SPECC1: variants seen among roughly 807,000 people sequenced by gnomAD.
The protein encoded by SPECC1 is cytospin-B.
A neutral mutation model predicts 104.1 loss-of-function variants in SPECC1; 62 were observed. The ratio of observed to expected loss-of-function variants is 0.60; its 90% CI spans 0.49 to 0.74. The LOEUF (loss-of-function observed/expected upper bound fraction) is 0.74. Ranked by LOEUF, SPECC1 falls within the 30% of genes least tolerant of loss-of-function variation. SPECC1 has a pLI of 0.00. For missense variants in SPECC1, 1,306 were observed against 1,310.5 expected, an observed-to-expected ratio of 1.00 and a Z score of 0.05; for synonymous variants, 513 against 501.6, an observed-to-expected ratio of 1.02 and a Z score of -0.30.
At chr17:20,116,653 T>C (rs1025891610) in intron 3 of SPECC1, among the ~76,000 whole-genome samples, 6 of 152,260 alleles carry the variant, frequency 3.9e-5, no homozygotes, top group Admixed American at 3.9e-4. Flanking sequence ...TGAATTATTC[T>C]AAGAATTCCT....
chr17:20,036,176 C>T (rs1304647917), intron 1 of SPECC1, among the ~76,000 whole-genome samples: 1 of 152,028 alleles, frequency 6.6e-6, no homozygotes, highest in Non-Finnish European at 1.5e-5. Flanking sequence ...ACTCTGTCAC[C>T]AGGCTGGAAT....
intron 1 of SPECC1, among the ~76,000 whole-genome samples, chr17:20,040,180 C>T (rs2045266558): frequency 6.6e-6 from 1 of 151,984 alleles, no homozygotes; most frequent in Admixed American, 6.6e-5. Flanking sequence ...CACATATACA[C>T]ACATATATTT....
Position 20,246,295 on chromosome 17 carries a change from C to T in SPECC1, c.2497+224C>T, listed in dbSNP as rs550124105. Among the ~76,000 whole-genome samples the T allele has an allele frequency of 7.2e-5, 11 of 152,326 alleles. No individual in the cohort carries two copies. In the East Asian group the frequency reaches 2.1e-3, roughly 29 times the overall value. ...ATGAATAACACAAATGCAGCCTCTT[C>T]CTCTCTACCGCTTCCTTCCATCCAG... On this transcript the variant is annotated intron_variant, in intron 8 of 14. Transcript: ENST00000395527.
chr17:20,202,799 A>T (rs1381309752), intron 3 of SPECC1, among the ~76,000 whole-genome samples: 9 of 152,146 alleles, frequency 5.9e-5, no homozygotes, highest in African/African-American at 2.2e-4. Flanking sequence ...GGCACCCCTA[A>T]CCTCCAAGTT....
intron 1 of SPECC1, among the ~76,000 whole-genome samples, chr17:20,078,458 G>A (rs140996399): frequency 1.3e-5 from 2 of 152,098 alleles, no homozygotes; most frequent in East Asian, 3.9e-4. Context: ...TCATAGAAAT[G>A]CAAATTCAAA....
At chr17:20,262,937 G>A (rs539364699) in intron 12 of SPECC1, among the ~76,000 whole-genome samples, 11 of 152,184 alleles carry the variant, frequency 7.2e-5, no homozygotes, top group African/African-American at 2.2e-4. Context: ...TTGCGCCCAG[G>A]AGTTTGAGGC....
intron 12 of SPECC1, among the ~76,000 whole-genome samples, chr17:20,263,868 T>C (rs575706729): frequency 2.0e-5 from 3 of 152,268 alleles, no homozygotes; most frequent in African/African-American, 7.2e-5. Context: ...AAGAACACTA[T>C]TTCCTGCTGG....
chr17:20,273,130 T>G (rs2151639802), intron 12 of SPECC1, among the ~76,000 whole-genome samples: 1 of 152,296 alleles, frequency 6.6e-6, no homozygotes, highest in Middle Eastern at 3.4e-3. Flanking sequence ...GAGAAAGGCC[T>G]TCTAGTCTCC....
intron 1 of SPECC1, among the ~76,000 whole-genome samples, chr17:20,015,769 A>G (rs1446010095): frequency 1.3e-5 from 2 of 149,896 alleles, no homozygotes; most frequent in Non-Finnish European, 3.0e-5. Context: ...TATTTTTAGT[A>G]GCGACGGGGT....
At chr17:20,123,571 G>A (rs1038512473) in intron 3 of SPECC1, among the ~76,000 whole-genome samples, 3 of 152,190 alleles carry the variant, frequency 2.0e-5, no homozygotes, top group African/African-American at 4.8e-5. Context: ...AGGGGAACTC[G>A]TCTAACATGG....
At chr17:20,130,193 G>A (rs1237390992) in intron 3 of SPECC1, among the ~76,000 whole-genome samples, 1 of 152,158 alleles carries the variant, frequency 6.6e-6, no homozygotes, top group Non-Finnish European at 1.5e-5. Context: ...TACTTTTGTT[G>A]TGGATGTCCA....
At chr17:20,171,714 A>T (rs2034107297) in intron 3 of SPECC1, among the ~76,000 whole-genome samples, 1 of 151,952 alleles carries the variant, frequency 6.6e-6, no homozygotes, top group African/African-American at 2.4e-5. Context: ...CACTTGGCTA[A>T]TTTTTTTAAA....
At chr17:20,022,841 G>GT (rs2152434932) in intron 1 of SPECC1, among the ~76,000 whole-genome samples, 1 of 152,338 alleles carries the variant, frequency 6.6e-6, no homozygotes, top group African/African-American at 2.4e-5. Flanking sequence ...CTTGGACATG[G>GT]TTATGGAGTG....
chr17:20,046,662 T>C (rs920097551), intron 1 of SPECC1, among the ~76,000 whole-genome samples: 6 of 151,954 alleles, frequency 3.9e-5, no homozygotes, highest in African/African-American at 7.3e-5. Flanking sequence ...AGAATTTAAA[T>C]AGGGTAGTCA....
Position 20,315,007 on chromosome 17 carries a change from C to T in SPECC1, c.*942C>T. On this transcript the variant is annotated 3_prime_UTR_variant, in exon 15 of 15. Coordinates refer to ENST00000395527, the MANE Select transcript of SPECC1 (RefSeq NM_001243439.2). ...CTTTCACAGTAGGGAAACCGCAGTC[C>T]TCGTCACCTGCGCCTTTGTCCTCCC... 1 of 232,894 alleles carries T rather than the reference C, an allele frequency of 4.3e-6. No individual in the cohort carries two copies. Among genetic ancestry groups the T allele is most frequent in the Non-Finnish European group, 8.5e-6 (1 of 117,890 alleles). The allele number at this position is 232,894 out of a possible 1,614,324, so 14.4% of individuals were successfully genotyped here. A position where few individuals can be genotyped will look rare whatever the true frequency, so the allele number is the denominator to read the frequency against.
intron 1 of SPECC1, among the ~76,000 whole-genome samples, chr17:20,052,995 AAG>A (rs999581676): frequency 2.0e-5 from 3 of 152,304 alleles, no homozygotes; most frequent in Admixed American, 2.0e-4. Context: ...CCCTCAAACA[AAG>A]AAGTGTCCCT....
At chr17:20,037,249 A>G (rs1251382491) in intron 1 of SPECC1, among the ~76,000 whole-genome samples, 1 of 151,950 alleles carries the variant, frequency 6.6e-6, no homozygotes, top group Non-Finnish European at 1.5e-5. Context: ...ATACTCATGA[A>G]GGATATTGGT....
intron 1 of SPECC1, among the ~76,000 whole-genome samples, chr17:20,042,678 C>A (rs1045865545): frequency 1.3e-5 from 2 of 152,210 alleles, no homozygotes; most frequent in African/African-American, 4.8e-5. Context: ...TGTGTTCCAT[C>A]TCATTAGACT....
rs2039084054 is a variant in SPECC1 at position 20,239,291 on chromosome 17, AAATATT to A, written c.2352-6631_2352-6626del. On this transcript the variant is annotated intron_variant, in intron 7 of 14. Transcript: ENST00000395527. ...TAACAAAATGGAGACGTGTGAAGAAAAATATTAATCTTTCTTCTCCCTCAGTACCAC... is the reference window on the plus strand; with the variant it reads ...TAACAAAATGGAGACGTGTGAAGAAAAATCTTTCTTCTCCCTCAGTACCAC... 3.9e-6 allele frequency: 4 copies of A among 1,013,166 alleles called. No individual in the cohort carries two copies. The African/African-American group carries it at 6.9e-5, about 17-fold the overall frequency. The allele number at this position is 1,013,166 out of a possible 1,614,324, so 62.8% of individuals were successfully genotyped here.
Sources: allele counts gnomAD v4.1 joint callset (sites outside exome capture counted in the v4.1 genomes callset), GRCh38; gene constraint gnomAD v4.1.1; transcripts MANE v1.5; gene names NCBI Gene and HGNC (gene_info 2026-07-23, HGNC 2026-07-21).